KDM4B: variants seen among roughly 807,000 people sequenced by gnomAD.
KDM4B encodes the protein lysine-specific demethylase 4B.
KDM4B carries 32 observed loss-of-function variants against 125.2 expected under a neutral mutation model. The ratio of observed to expected loss-of-function variants is 0.26; its 90% confidence interval spans 0.19 to 0.34. The LOEUF is 0.34. KDM4B is among the 10% of genes least tolerant of loss of function. The pLI, the probability that KDM4B is intolerant of heterozygous loss-of-function variation, is 1.00. For missense variants in KDM4B, 1,190 were observed against 1,577.7 expected, an observed-to-expected ratio of 0.75 and a Z score of 4.16; for synonymous variants, 721 against 677.9, an observed-to-expected ratio of 1.06 and a Z score of -0.99.
intron 9 of KDM4B, among the ~76,000 whole-genome samples, chr19:5,084,360 A>G (rs1253932194): frequency 6.9e-6 from 1 of 144,642 alleles, no homozygotes; most frequent in East Asian, 1.9e-4. Flanking sequence ...TAATTTATAT[A>G]TTGTATATAA....
At chr19:5,090,502 C>G (rs1269452238) in intron 9 of KDM4B, among the ~76,000 whole-genome samples, 1 of 48,118 alleles carries the variant, frequency 2.1e-5, no homozygotes, top group Non-Finnish European at 4.4e-5. Flanking sequence ...CCCCCTCTCG[C>G]CCCCTCTCTC....
chr19:5,058,874 A>G (rs2037493514), intron 6 of KDM4B, among the ~76,000 whole-genome samples: 1 of 152,246 alleles, frequency 6.6e-6, no homozygotes, highest in African/African-American at 2.4e-5. Context: ...GTGGCATGCC[A>G]GGCGAGTCAC....
intron 6 of KDM4B, among the ~76,000 whole-genome samples, chr19:5,063,286 A>T (rs769631501): frequency 6.6e-6 from 1 of 152,154 alleles, no homozygotes; most frequent in African/African-American, 2.4e-5. Context: ...GGATTTTTAC[A>T]TCCACGTGGG....
intron 9 of KDM4B, among the ~76,000 whole-genome samples, chr19:5,083,040 G>T (rs149657534): frequency 6.6e-6 from 1 of 152,292 alleles, no homozygotes; most frequent in Non-Finnish European, 1.5e-5. Context: ...TCCTGCTGGT[G>T]GGGTCCCTGG....
rs900320952 is a variant in KDM4B, at chr19:5,070,899, T to G, written c.627-111T>G. On this transcript the variant is annotated intron_variant, in intron 6 of 22. Coordinates refer to ENST00000159111, the MANE Select transcript of KDM4B (RefSeq NM_015015.3). Reference sequence around the variant, plus strand: ...CACAGTCCTGACCATGACTCCACTTTGCTTCTGCCCTGGGCACTGTCTGCG... The same window carrying G: ...CACAGTCCTGACCATGACTCCACTTGGCTTCTGCCCTGGGCACTGTCTGCG... The G allele has an allele frequency of 1.0e-5, 11 of 1,092,470 alleles. No homozygotes were observed. The African/African-American group carries it at 1.7e-4, about 17-fold the overall frequency. 67.7% of individuals were successfully genotyped at this position (1,092,470 alleles called of 1,614,324 possible). A position where few individuals can be genotyped will look rare whatever the true frequency, so the allele number is the denominator to read the frequency against.
Position 5,137,657 on chromosome 19 carries a change from C to A in KDM4B, c.2422C>A (p.Gln808Lys). The change falls in exon 17 of 23, where the codon CAG (glutamine) becomes AAG (lysine). Residue 808 changes from glutamine to lysine, a missense_variant. Coordinates refer to ENST00000159111, the MANE Select transcript of KDM4B (RefSeq NM_015015.3). ...CLCNLRGGAL[Q>K]MTTDRRWIHV... ...GTGCAACCTGCGAGGAGGTGCGCTG[C>A]AGATGACCACCGATAGGAGGTGGGT... 6.3e-7 allele frequency: 1 copy of A among 1,595,878 alleles called. No homozygotes were observed. Among genetic ancestry groups the A allele is most frequent in the African/African-American group, 1.3e-5 (1 of 74,734 alleles).
chr19:5,013,544 T>G (rs1327448895), intron 1 of KDM4B, among the ~76,000 whole-genome samples: 1 of 152,106 alleles, frequency 6.6e-6, no homozygotes, highest in African/African-American at 2.4e-5. Flanking sequence ...TTCTGGAGGC[T>G]CCCGGAGACA....
chr19:5,091,079 C>A, intron 9 of KDM4B, among the ~76,000 whole-genome samples: 1 of 152,236 alleles, frequency 6.6e-6, no homozygotes, highest in East Asian at 1.9e-4. Context: ...AATGTGCACG[C>A]AGCCGCCTTT....
At chr19:5,007,281 G>T (rs935328749) in intron 1 of KDM4B, among the ~76,000 whole-genome samples, 1 of 152,162 alleles carries the variant, frequency 6.6e-6, no homozygotes, top group African/African-American at 2.4e-5. Flanking sequence ...TGTCATTTTC[G>T]GCATGGTTTT....
chr19:5,043,449 A>G (rs1457888428), intron 5 of KDM4B, among the ~76,000 whole-genome samples: 1 of 121,136 alleles, frequency 8.3e-6, no homozygotes, highest in African/African-American at 3.4e-5. Context: ...TGTCAACCTT[A>G]TCCCGCGCTG....
In KDM4B at chr19:5,148,257, T is replaced by A. The variant is rs141192825; in HGVS notation, c.3022-2101T>A. 4.6e-3 allele frequency among the ~76,000 whole-genome samples: 705 copies of A among 152,326 alleles called. 3 individuals are homozygous for A. The highest frequency in any genetic ancestry group is 0.024 in the Middle Eastern group (7 of 294). ...TCAGAACTCGCCCTGTGGAGACTCA[T>A]AGTGAAAGCACGTTCCAGGGAGGCC... On this transcript the variant is annotated intron_variant, in intron 21 of 22. Coordinates refer to ENST00000159111, the MANE Select transcript of KDM4B (RefSeq NM_015015.3).
chr19:5,001,532 G>A (rs181736276), intron 1 of KDM4B, among the ~76,000 whole-genome samples: 3 of 152,354 alleles, frequency 2.0e-5, no homozygotes, highest in Admixed American at 2.0e-4. Flanking sequence ...GTGGCGAACT[G>A]TGCTGCCGTG....
At chr19:5,018,555 A>C (rs74343112) in intron 2 of KDM4B, among the ~76,000 whole-genome samples, 1,842 of 152,274 alleles carry the variant, frequency 0.012, 51 homozygotes, top group African/African-American at 0.041. Flanking sequence ...TCACTTTGTA[A>C]AAGTTAACTT....
At position 5,043,947 on chromosome 19, in the gene KDM4B, T is replaced by C. The variant is rs79211085; in HGVS notation, c.432+2696T>C. Among the ~76,000 whole-genome samples the C allele has an allele frequency of 9.3e-3, 1,044 of 112,388 alleles. 11 individuals are homozygous for C. Among genetic ancestry groups the C allele is most frequent in the South Asian group, 0.035 (104 of 2,938 alleles). 73.7% of individuals were successfully genotyped at this position (112,388 alleles called of 152,430 possible). A position where few individuals can be genotyped will look rare whatever the true frequency, so the allele number is the denominator to read the frequency against. ...TGTTTATCGGAGTGGGGGTGTCCAC[T>C]GTATCCCGCGTGGTGGTTATCGGAG... On this transcript the variant is annotated intron_variant, in intron 5 of 22. Transcript: ENST00000159111.
chr19:5,019,486 GCA>G (rs2036012433), intron 2 of KDM4B, among the ~76,000 whole-genome samples: 1 of 149,784 alleles, frequency 6.7e-6, no homozygotes. Flanking sequence ...GTGTTGGTGT[GCA>G]GGTGTTGGTG....
rs952807627 is a variant in KDM4B at position 5,151,613 on chromosome 19, G to A, written c.*102G>A. ...TCCTGTCCTCGTGTCCCCGACCCCC[G>A]AGAGGCCACCTCCAAGCCGCGGGTG... On this transcript the variant is annotated 3_prime_UTR_variant, in exon 23 of 23. Transcript: ENST00000159111. The A allele has an allele frequency of 2.6e-5, 28 of 1,084,724 alleles. No individual in the cohort carries two copies. Among genetic ancestry groups the A allele is most frequent in the East Asian group, 6.5e-5 (2 of 30,992 alleles). The allele number at this position is 1,084,724 out of a possible 1,614,324, so 67.2% of individuals were successfully genotyped here.
intron 10 of KDM4B, chr19:5,111,423 G>A: frequency 2.6e-6 from 2 of 765,310 alleles, no homozygotes; most frequent in Non-Finnish European, 4.8e-6. Context: ...CAGGTATCTG[G>A]TGTCCGCCTG....
At chr19:5,091,816 G>C (rs190620549) in intron 9 of KDM4B, among the ~76,000 whole-genome samples, 2 of 152,162 alleles carry the variant, frequency 1.3e-5, no homozygotes, top group Admixed American at 6.5e-5. Flanking sequence ...CCTCTGACCC[G>C]CTGGAGCCCA....
intron 7 of KDM4B, among the ~76,000 whole-genome samples, chr19:5,071,766 A>G (rs2037955357): frequency 6.6e-6 from 1 of 152,196 alleles, no homozygotes; most frequent in African/African-American, 2.4e-5. Context: ...GCACTTGGGC[A>G]GGGTCCCCAT....
Sources: allele counts gnomAD v4.1 joint callset (sites outside exome capture counted in the v4.1 genomes callset), GRCh38; gene constraint gnomAD v4.1.1; transcripts MANE v1.5; gene names NCBI Gene and HGNC (gene_info 2026-07-23, HGNC 2026-07-21).